The following L1TD1 variants were observed in gnomAD, a reference collection of about 807,000 sequenced individuals.
L1TD1 encodes the protein LINE-1 type transposase domain-containing protein 1.
A neutral mutation model predicts 25.7 loss-of-function variants in L1TD1; 26 were observed. That is an observed-to-expected ratio of 1.01 (90% CI 0.74 to 1.40). The LOEUF (loss-of-function observed/expected upper bound fraction) is 1.40. L1TD1 is among the 40% of genes most tolerant of loss of function. The pLI is 0.00. For synonymous variants in L1TD1, 421 were observed against 335.6 expected (o/e 1.25, Z -2.78); for missense variants, 1,130 against 975.0 (o/e 1.16, Z -2.12).
In L1TD1 at chr1:62,206,924, G is replaced by A; in HGVS notation, c.296G>A (p.Arg99Lys). ...EVKNSENSSS[R>K]TEFQQIINLA... is the part of the protein sequence containing the mutation. ...AAGAATTCAGAGAACTCCAGTAGTA[G>A]GACAGAGTTTCAGCAAATAATCAAT... is the stretch of plus-strand genomic sequence containing the variant. Residue 99 changes from arginine to lysine, a missense_variant, in exon 3 of 4, where the codon AGG becomes AAG. Physicochemically the swap from Arg to Lys is conservative, Grantham distance 26. Transcript: ENST00000498273. 1 of 1,613,734 alleles carries A rather than the reference G, an allele frequency of 6.2e-7. No homozygotes were observed. The highest frequency in any genetic ancestry group is 8.5e-7 in the Non-Finnish European group (1 of 1,179,898).
At chr1:62,209,407 A>G (rs1042551212) in intron 3 of L1TD1, among the ~76,000 whole-genome samples, 59 of 151,926 alleles carry the variant, frequency 3.9e-4, no homozygotes, top group Middle Eastern at 3.4e-3. Context: ...CTTTAGCCAG[A>G]TTACAATGCC....
chr1:62,209,436 C>T (rs909804991), intron 3 of L1TD1, among the ~76,000 whole-genome samples: 1 of 152,012 alleles, frequency 6.6e-6, no homozygotes, highest in Admixed American at 6.6e-5. Flanking sequence ...ATAGGACTCT[C>T]ACATACAATA....
intron 2 of L1TD1, among the ~76,000 whole-genome samples, chr1:62,205,389 T>TTCTCTCTCTCTCTCTCTC (rs1194912722): frequency 1.2e-4 from 7 of 60,296 alleles, no homozygotes; most frequent in African/African-American, 3.6e-4. Context: ...CTCTCTCTCT[T>TTCTCTCTCTCTCTCTCTC]TCTCTCTCTC....
intron 2 of L1TD1, among the ~76,000 whole-genome samples, chr1:62,205,346 A>G (rs1670714120): frequency 6.7e-6 from 1 of 149,050 alleles, no homozygotes; most frequent in Admixed American, 6.7e-5. Context: ...AAAGAAAAAA[A>G]CAAAATAAAA....
In L1TD1 at chr1:62,211,999, T is replaced by C. The variant is rs1434023935; in HGVS notation, c.*627T>C. The C allele has an allele frequency of 6.8e-6, 1 of 147,802 alleles. No homozygotes were observed. The highest frequency in any genetic ancestry group is 1.5e-5 in the Non-Finnish European group (1 of 66,570). The allele number at this position is 147,802 out of a possible 1,614,324, so 9.2% of individuals were successfully genotyped here. ...TATATTGTGCTAGCTTGTCTAAGAA[T>C]AAACTTCTATACTGTTGGGGGAGGG... is the stretch of plus-strand genomic sequence containing the variant. On this transcript the variant is annotated 3_prime_UTR_variant, in exon 4 of 4. Coordinates refer to ENST00000498273, the MANE Select transcript of L1TD1 (RefSeq NM_019079.5).
In L1TD1 at chr1:62,205,366, A is replaced by ACTCCCTCTCT. The variant is rs1557443295; in HGVS notation, c.-110-1150_-110-1149insCCTCTCTCTC. Among the ~76,000 whole-genome samples, 13 of 105,912 alleles carry ACTCCCTCTCT rather than the reference A, an allele frequency of 1.2e-4. 2 individuals carry two copies. The highest frequency in any genetic ancestry group is 4.6e-4 in the African/African-American group (13 of 28,178). The allele number at this position is 105,912 out of a possible 152,430, so 69.5% of individuals were successfully genotyped here. A position where few individuals can be genotyped will look rare whatever the true frequency, so the allele number is the denominator to read the frequency against. Reference sequence around the variant, plus strand: ...AAAAAACAAAATAAAACCAACGAAAACTCTCTTTCTCTCTCTCTCTCTTTC... The same window carrying ACTCCCTCTCT: ...AAAAAACAAAATAAAACCAACGAAAACTCCCTCTCTCTCTCTTTCTCTCTCTCTCTCTTTC... On this transcript the variant is annotated intron_variant, in intron 2 of 3. Coordinates refer to ENST00000498273, the MANE Select transcript of L1TD1 (RefSeq NM_019079.5).
intron 2 of L1TD1, among the ~76,000 whole-genome samples, chr1:62,198,920 C>T (rs2149098297): frequency 6.6e-6 from 1 of 152,144 alleles, no homozygotes; most frequent in Non-Finnish European, 1.5e-5. Flanking sequence ...TTAGAGTAAC[C>T]TTGAACTCCT....
intron 2 of L1TD1, among the ~76,000 whole-genome samples, chr1:62,206,115 C>T (rs1332471855): frequency 6.6e-6 from 1 of 152,166 alleles, no homozygotes; most frequent in Non-Finnish European, 1.5e-5. Flanking sequence ...AAAGGGACAA[C>T]TATTTCTCAA....
chr1:62,195,448 C>T (rs536158097), intron 1 of L1TD1, among the ~76,000 whole-genome samples: 1 of 152,224 alleles, frequency 6.6e-6, no homozygotes, highest in Non-Finnish European at 1.5e-5. Context: ...TTGACAAGTC[C>T]TAGCTTTAGA....
intron 1 of L1TD1, among the ~76,000 whole-genome samples, chr1:62,195,229 C>T (rs1670511228): frequency 6.6e-6 from 1 of 151,842 alleles, no homozygotes. Flanking sequence ...ACGTGAGGCC[C>T]GAGGTGCCCC....
chr1:62,199,420 C>A (rs1670601559), intron 2 of L1TD1, among the ~76,000 whole-genome samples: 1 of 151,598 alleles, frequency 6.6e-6, no homozygotes, highest in Non-Finnish European at 1.5e-5. Context: ...ATCGCTTGAA[C>A]CCAGGAGGCA....
chr1:62,202,630 G>A (rs1240481341), intron 2 of L1TD1, among the ~76,000 whole-genome samples: 30 of 138,946 alleles, frequency 2.2e-4, no homozygotes, highest in Middle Eastern at 4.3e-3. Flanking sequence ...GCCCAGAGGC[G>A]TGATCTGGGC....
chr1:62,207,762 G>C, intron 3 of L1TD1, 126 bp downstream of exon 3: 2 of 1,174,744 alleles, frequency 1.7e-6, no homozygotes, highest in East Asian at 2.6e-5. Context: ...GGCCAGGTGG[G>C]AGTGCAGTGG....
intron 2 of L1TD1, among the ~76,000 whole-genome samples, chr1:62,203,618 G>A (rs913498748): frequency 8.6e-5 from 13 of 151,838 alleles, no homozygotes; most frequent in African/African-American, 2.7e-4. Context: ...TCGCTCTGAC[G>A]CTCAGGCTGG....
rs1670573216 is a variant in L1TD1 at position 62,197,882 on chromosome 1, GAAGAA to G, written c.-111+1357_-111+1361del. The stretch of plus-strand genomic sequence containing the variant: ...ACAGTGAGACTCTGTCTCAAAAACA[GAAGAA>G]AACAAAACAAAACAAAACAAAACCC... On this transcript the variant is annotated intron_variant, in intron 2 of 3. Coordinates refer to ENST00000498273, the MANE Select transcript of L1TD1 (RefSeq NM_019079.5). Among the ~76,000 whole-genome samples, 9 of 137,410 alleles carry G rather than the reference GAAGAA, an allele frequency of 6.5e-5. No homozygotes were observed. The South Asian group carries it at 2.1e-3, about 31-fold the overall frequency. 90.1% of individuals were successfully genotyped at this position (137,410 alleles called of 152,430 possible).
rs992092238 is a variant in L1TD1 at position 62,194,884 on chromosome 1, C to A, written c.-242C>A. On this transcript the variant is annotated 5_prime_UTR_variant, in exon 1 of 4. Coordinates refer to ENST00000498273, the MANE Select transcript of L1TD1 (RefSeq NM_019079.5). ...TACAAGGCTCCATCCTCACTTTGTTCGCTCCTCAGTCGTCCAGGCGGATTC... is the reference window on the plus strand; with the variant it reads ...TACAAGGCTCCATCCTCACTTTGTTAGCTCCTCAGTCGTCCAGGCGGATTC... The A allele has an allele frequency of 6.6e-6, 1 of 152,448 alleles. No homozygotes were observed. Among genetic ancestry groups the A allele is most frequent in the African/African-American group, 2.4e-5 (1 of 41,468 alleles). 9.4% of individuals were successfully genotyped at this position (152,448 alleles called of 1,614,324 possible). A position where few individuals can be genotyped will look rare whatever the true frequency, so the allele number is the denominator to read the frequency against.
intron 2 of L1TD1, among the ~76,000 whole-genome samples, chr1:62,200,359 C>T (rs926428268): frequency 4.6e-5 from 7 of 152,064 alleles, no homozygotes; most frequent in African/African-American, 9.7e-5. Flanking sequence ...TTAGTAGAGA[C>T]GGGGTTTCAC....
At chr1:62,196,578 G>C (rs1410097651) in intron 2 of L1TD1, 50 bp downstream of exon 2, 1 of 151,548 alleles carries the variant, frequency 6.6e-6, no homozygotes, top group East Asian at 1.9e-4. Flanking sequence ...GTAAGTGTGC[G>C]GGTGGGGTTG....
intron 2 of L1TD1, among the ~76,000 whole-genome samples, chr1:62,205,361 C>CGA (rs1670714585): frequency 7.2e-6 from 1 of 139,384 alleles, no homozygotes; most frequent in South Asian, 2.3e-4. Context: ...ATAAAACCAA[C>CGA]GAAAACTCTC....
Sources: gnomAD v4.1 joint callset for allele counts (sites outside exome capture counted in the v4.1 genomes callset) on GRCh38, gnomAD v4.1.1 for gene constraint, MANE v1.5 for transcripts, NCBI Gene and HGNC (gene_info 2026-07-23, HGNC 2026-07-21) for gene names.